Variants in MYRFL observed in about 807,000 individuals in gnomAD.
MYRFL encodes myelin regulatory factor like.
Under a neutral mutation model 109.4 loss-of-function variants are expected in MYRFL, and 88 were observed. The observed-to-expected ratio is 0.80, with a 90% CI of 0.68 to 0.96. The LOEUF is 0.96. Among genes scored for constraint, MYRFL ranks in the 40% least tolerant of loss-of-function variants. The probability of loss-of-function intolerance (pLI) is 0.00; values close to 1 mark genes in which losing one functional copy is unlikely to be tolerated. For synonymous variants in MYRFL, 324 were observed against 320.9 expected (o/e 1.01, Z -0.10); for missense variants, 957 against 954.9 (o/e 1.00, Z -0.03).
chr12:69,916,490 C>T lies in MYRFL; in HGVS notation c.1602+5560C>T, dbSNP rs116006216. Among the ~76,000 whole-genome samples, 283 of 152,264 alleles carry T rather than the reference C, an allele frequency of 1.9e-3. 1 individual carries two copies. The highest frequency in any genetic ancestry group is 6.5e-3 in the African/African-American group (270 of 41,552). On this transcript the variant is annotated intron_variant, in intron 13 of 24. Transcript: ENST00000552032. ...TAAACACTCAGTACTATTTTTCTTC[C>T]TTTGGCAATATCTTTGTATATCAGT...
intron 10 of MYRFL, among the ~76,000 whole-genome samples, chr12:69,897,725 A>G (rs1232730939): frequency 6.6e-6 from 1 of 152,242 alleles, no homozygotes; most frequent in Admixed American, 6.5e-5. Context: ...CCATGATCTC[A>G]TGAATTGTAA....
At chr12:69,876,836 C>A (rs1035578864) in intron 2 of MYRFL, among the ~76,000 whole-genome samples, 1 of 152,010 alleles carries the variant, frequency 6.6e-6, no homozygotes, top group African/African-American at 2.4e-5. Flanking sequence ...TTAATGAATT[C>A]TTCTATTTTT....
intron 5 of MYRFL, among the ~76,000 whole-genome samples, chr12:69,880,627 A>C (rs1366205199): frequency 6.6e-6 from 1 of 152,220 alleles, no homozygotes; most frequent in Non-Finnish European, 1.5e-5. Context: ...TGGTGTGCCC[A>C]TTGCATTGCT....
intron 1 of MYRFL, 32 bp downstream of exon 1, chr12:69,825,595 G>A (rs1399446102): frequency 1.3e-5 from 9 of 697,058 alleles, no homozygotes; most frequent in South Asian, 1.2e-4. Flanking sequence ...TGAATTTGCT[G>A]CTTCTGAGAA....
Position 69,891,028 on chromosome 12 carries a change from T to A in MYRFL, c.765T>A (p.Asp255Glu), listed in dbSNP as rs1267398852. 3.3e-6 allele frequency: 5 copies of A among 1,534,998 alleles called. No homozygotes were observed. The East Asian group carries it at 9.8e-5, about 30-fold the overall frequency. ...AAGGATTTAATTTTTCACCAGCAGA[T>A]GAAGCTTTTGTTTGCCAAAAGAAGA... Reference protein sequence around the residue: ...TDKGFNFSPADEAFVCQKKNH... With the variant: ...TDKGFNFSPAEEAFVCQKKNH... The change falls in exon 7 of 25, where the codon GAT becomes GAA. Residue 255 changes from aspartate to glutamate, a missense_variant. Asp to Glu is a conservative substitution (Grantham distance 45). Coordinates refer to ENST00000552032, the MANE Select transcript of MYRFL (RefSeq NM_182530.3).
chr12:69,853,233 G>T (rs974636295), intron 1 of MYRFL, among the ~76,000 whole-genome samples: 1 of 150,944 alleles, frequency 6.6e-6, no homozygotes, highest in South Asian at 2.1e-4. Flanking sequence ...CCTCCCTCCC[G>T]GACGGGGCGG....
At position 69,936,138 on chromosome 12, in the gene MYRFL, A is replaced by G. The variant is rs1250025792; in HGVS notation, c.1942A>G (p.Ile648Val). 5 of 1,479,208 alleles carry G rather than the reference A, an allele frequency of 3.4e-6. No homozygotes were observed. The highest frequency in any genetic ancestry group is 4.4e-6 in the Non-Finnish European group (5 of 1,126,666). The allele number at this position is 1,479,208 out of a possible 1,614,324, so 91.6% of individuals were successfully genotyped here. ...TGCTTTGACGATAGTTGCCCTCTAT[A>G]TACTTAGCTTAAAAGATCAAGACCG... is the stretch of plus-strand genomic sequence containing the variant. ...FCALTIVALY[I>V]LSLKDQDRRV... is the part of the protein sequence containing the mutation. The change falls in exon 17 of 25, where the codon ATA becomes GTA. Residue 648 changes from isoleucine to valine, a missense_variant. Ile to Val is a conservative substitution (Grantham distance 29). Coordinates refer to ENST00000552032, the MANE Select transcript of MYRFL (RefSeq NM_182530.3).
intron 1 of MYRFL, among the ~76,000 whole-genome samples, chr12:69,848,349 A>G (rs1019113357): frequency 2.3e-4 from 35 of 151,998 alleles, no homozygotes; most frequent in African/African-American, 8.4e-4. Context: ...TAGATATATT[A>G]AATTTATAAA....
At chr12:69,900,030 G>A (rs1026859464) in intron 10 of MYRFL, among the ~76,000 whole-genome samples, 3 of 152,070 alleles carry the variant, frequency 2.0e-5, no homozygotes, top group Admixed American at 1.3e-4. Flanking sequence ...GTGCAGTGTT[G>A]CAAGCAGGAG....
chr12:69,891,631 C>CTT (rs1886852057), intron 7 of MYRFL, among the ~76,000 whole-genome samples: 2 of 18,166 alleles, frequency 1.1e-4, no homozygotes, highest in East Asian at 1.7e-3. Context: ...TTCCTCCTTC[C>CTT]TTTCTTTTTC....
chr12:69,835,663 G>C (rs544857572), intron 1 of MYRFL, among the ~76,000 whole-genome samples: 61 of 152,200 alleles, frequency 4.0e-4, no homozygotes, highest in Non-Finnish European at 7.1e-4. Flanking sequence ...TGTTGGATTA[G>C]GGAAGCTTGT....
rs902826883 is a variant in MYRFL at position 69,936,390 on chromosome 12, G to A, written c.2044+55G>A. On this transcript the variant is annotated intron_variant, in intron 18 of 24. Coordinates refer to ENST00000552032, the MANE Select transcript of MYRFL (RefSeq NM_182530.3). ...CCCGGTTTCAAGTGAACTGTTAACA[G>A]AAGAAACCAGCCTTTCAGGTTAACC... 9.1e-6 allele frequency: 14 copies of A among 1,530,810 alleles called. No individual in the cohort carries two copies. The Middle Eastern group carries it at 5.0e-4, about 55-fold the overall frequency. The allele number at this position is 1,530,810 out of a possible 1,614,324, so 94.8% of individuals were successfully genotyped here. A position where few individuals can be genotyped will look rare whatever the true frequency, so the allele number is the denominator to read the frequency against.
chr12:69,932,883 T>TTTG (rs1955314619), intron 16 of MYRFL, among the ~76,000 whole-genome samples: 22 of 52,698 alleles, frequency 4.2e-4, no homozygotes, highest in Non-Finnish European at 9.4e-4. Context: ...GTGTGTGTGT[T>TTTG]TGTGTGTGTG....
intron 4 of MYRFL, among the ~76,000 whole-genome samples, chr12:69,879,802 C>A (rs548254700): frequency 6.6e-6 from 1 of 152,310 alleles, no homozygotes; most frequent in African/African-American, 2.4e-5. Flanking sequence ...TAAGCATTAA[C>A]TAATGTTCTT....
At chr12:69,940,481 A>C (rs1405810753) in intron 19 of MYRFL, among the ~76,000 whole-genome samples, 10 of 148,496 alleles carry the variant, frequency 6.7e-5, no homozygotes, top group East Asian at 2.0e-4. Context: ...GAAATAAAAT[A>C]CTTTACAGAC....
At chr12:69,886,997 T>A (rs778781634) in intron 6 of MYRFL, 27 bp downstream of exon 6, 2 of 1,534,244 alleles carry the variant, frequency 1.3e-6, no homozygotes, top group South Asian at 1.2e-5. Flanking sequence ...GGCTGGAGAG[T>A]GAGGGGAGAA....
In MYRFL at chr12:69,909,462, T is replaced by C. The variant is rs115777867; in HGVS notation, c.1384-507T>C. On this transcript the variant is annotated intron_variant, in intron 11 of 24. Coordinates refer to ENST00000552032, the MANE Select transcript of MYRFL (RefSeq NM_182530.3). ...TGCCTCAATAGCTACTCAATAAATA[T>C]TTGTATTTATTTGTAATTCTATTAT... Among the ~76,000 whole-genome samples the C allele has an allele frequency of 6.3e-3, 964 of 152,340 alleles. 19 individuals are homozygous for C. Among genetic ancestry groups the C allele is most frequent in the African/African-American group, 0.022 (904 of 41,578 alleles).
At chr12:69,837,158 C>G (rs943986044) in intron 1 of MYRFL, among the ~76,000 whole-genome samples, 1 of 152,102 alleles carries the variant, frequency 6.6e-6, no homozygotes, top group Non-Finnish European at 1.5e-5. Flanking sequence ...ATCTGCACAC[C>G]ACTCCGCCTA....
intron 15 of MYRFL, among the ~76,000 whole-genome samples, chr12:69,929,458 G>A (rs1955203309): frequency 6.6e-6 from 1 of 152,196 alleles, no homozygotes; most frequent in Non-Finnish European, 1.5e-5. Context: ...GGAGGAGTAA[G>A]CTTTGGCTAG....
Sources: allele counts gnomAD v4.1 joint callset (sites outside exome capture counted in the v4.1 genomes callset), GRCh38; gene constraint gnomAD v4.1.1; transcripts MANE v1.5; gene names NCBI Gene and HGNC (gene_info 2026-07-23, HGNC 2026-07-21).